Variants in ADGB observed in about 807,000 individuals in gnomAD.
ADGB encodes calpain-7-like protein.
ADGB carries 172 observed loss-of-function variants against 210.5 expected under a neutral mutation model. That is an observed-to-expected ratio of 0.82 (90% CI 0.72 to 0.93). ADGB has a LOEUF of 0.93. Ranked by LOEUF, ADGB falls within the 40% of genes least tolerant of loss-of-function variation. The pLI is 0.00. For synonymous variants in ADGB, 658 were observed against 662.7 expected (o/e 0.99, Z 0.11); for missense variants, 2,025 against 1,964.8 (o/e 1.03, Z -0.58).
At chr6:146,798,676 G>GA (rs372001801) in intron 33 of ADGB, among the ~76,000 whole-genome samples, 217 of 136,948 alleles carry the variant, frequency 1.6e-3, no homozygotes, top group Middle Eastern at 4.0e-3. Context: ...CTAAAAAACA[G>GA]AAAAAAAAAA....
In ADGB at chr6:146,724,178, TCTTAAAGC is replaced by T; in HGVS notation, c.2096-2_2101del. The T allele has an allele frequency of 1.3e-6, 2 of 1,545,458 alleles. No individual in the cohort carries two copies. The highest frequency in any genetic ancestry group is 1.7e-6 in the Non-Finnish European group (2 of 1,145,076). On this transcript the variant is annotated splice_acceptor_variant and splice_polypyrimidine_tract_variant and coding_sequence_variant and intron_variant, in exon 18 of 36. Transcript: ENST00000397944. LOFTEE classifies it high-confidence loss of function. Reference sequence around the variant, plus strand: ...TCAAACTTTAATACCTTTTTACTTATCTTAAAGCCTTAACAAAAGACAGTCCTCCCATA... The same window carrying T: ...TCAAACTTTAATACCTTTTTACTTATCTTAACAAAAGACAGTCCTCCCATA...
intron 1 of ADGB, among the ~76,000 whole-genome samples, chr6:146,632,241 CTTCTGGAACTTGACCACA>C (rs1391090448): frequency 6.6e-6 from 1 of 152,168 alleles, no homozygotes; most frequent in East Asian, 1.9e-4. Context: ...GCCTTTCCAG[CTTCTGGAACTTGACCACA>C]TTCCTCGGCT....
intron 33 of ADGB, among the ~76,000 whole-genome samples, chr6:146,790,570 A>G (rs1451399728): frequency 6.6e-6 from 1 of 152,182 alleles, no homozygotes; most frequent in Non-Finnish European, 1.5e-5. Flanking sequence ...TACATACCAC[A>G]TTTTAAAAAA....
intron 26 of ADGB, among the ~76,000 whole-genome samples, chr6:146,747,814 T>TGTCA (rs1777263555): frequency 6.7e-6 from 1 of 149,884 alleles, no homozygotes; most frequent in African/African-American, 2.5e-5. Context: ...AGTCTCACTC[T>TGTCA]GTCACCCAGG....
intron 35 of ADGB, chr6:146,802,318 G>T (rs918880347): frequency 1.1e-5 from 2 of 184,200 alleles, no homozygotes; most frequent in Admixed American, 6.1e-5. Flanking sequence ...ATATTAATCA[G>T]CTTGAGACAT....
intron 35 of ADGB, among the ~76,000 whole-genome samples, chr6:146,804,633 A>G (rs1477983514): frequency 6.6e-6 from 1 of 152,136 alleles, no homozygotes; most frequent in Non-Finnish European, 1.5e-5. Context: ...TATATCCAAC[A>G]TATATATCAC....
chr6:146,719,768 C>T (rs1360120812), intron 16 of ADGB, among the ~76,000 whole-genome samples: 5 of 152,112 alleles, frequency 3.3e-5, no homozygotes, highest in Non-Finnish European at 1.5e-5. Flanking sequence ...AAATGAGCTC[C>T]GGGCAGAAAC....
chr6:146,724,636 C>T (rs1776868072), intron 18 of ADGB: 2 of 167,116 alleles, frequency 1.2e-5, no homozygotes, highest in Non-Finnish European at 2.6e-5. Context: ...ATATTATACA[C>T]ATAACATTTA....
intron 8 of ADGB, among the ~76,000 whole-genome samples, chr6:146,673,741 G>A (rs570636861): frequency 7.9e-5 from 12 of 152,126 alleles, no homozygotes; most frequent in Non-Finnish European, 1.6e-4. Flanking sequence ...TACCATTTAG[G>A]AGAGATCACA....
chr6:146,636,596 A>AAG (rs144597568), intron 2 of ADGB, among the ~76,000 whole-genome samples: 1 of 151,798 alleles, frequency 6.6e-6, no homozygotes, highest in Non-Finnish European at 1.5e-5. Context: ...GAGAGAGAGA[A>AAG]AGAGAGAGAG....
In ADGB at chr6:146,721,454, A is replaced by T; in HGVS notation, c.2044A>T (p.Ile682Phe). The change falls in exon 17 of 36, where the codon ATT becomes TTT. Residue 682 changes from isoleucine to phenylalanine, a missense_variant. Physicochemically the swap from Ile to Phe is conservative, Grantham distance 21. Transcript: ENST00000397944. ...YYLFVDSLKP[I>F]ELLVCFSALV... is the part of the protein sequence containing the mutation. ...TCTATTTGTAGATAGTCTAAAACCT[A>T]TTGAACTACTGGTTTGCTTTTCTGC... The T allele has an allele frequency of 6.4e-7, 1 of 1,551,324 alleles. No individual in the cohort carries two copies. The highest frequency in any genetic ancestry group is 8.7e-7 in the Non-Finnish European group (1 of 1,146,688).
chr6:146,615,701 T>C (rs968381329), intron 1 of ADGB, among the ~76,000 whole-genome samples: 6 of 152,198 alleles, frequency 3.9e-5, no homozygotes, highest in African/African-American at 1.4e-4. Context: ...TATCTTTCTG[T>C]GCGTGACTTG....
intron 13 of ADGB, among the ~76,000 whole-genome samples, chr6:146,708,209 C>T (rs1349335856): frequency 6.6e-6 from 1 of 152,048 alleles, no homozygotes; most frequent in African/African-American, 2.4e-5. Flanking sequence ...TTTTAACCTT[C>T]ATACTAAATT....
chr6:146,811,541 C>T (rs565070815), intron 35 of ADGB, among the ~76,000 whole-genome samples: 1 of 151,888 alleles, frequency 6.6e-6, no homozygotes, highest in South Asian at 2.1e-4. Context: ...AGATAAAAAT[C>T]ATTGCAAACA....
rs575548445 is a variant in ADGB, at chr6:146,766,359, G to A, written c.3750+2259G>A. 5.9e-5 allele frequency among the ~76,000 whole-genome samples: 9 copies of A among 152,028 alleles called. No individual in the cohort carries two copies. The East Asian group carries it at 7.8e-4, about 13-fold the overall frequency. ...TGAGAACCGCTTGAACCTGGGAGGCGGAGGTTACAGCGAGCCGAGATTGTA... is the reference window on the plus strand; with the variant it reads ...TGAGAACCGCTTGAACCTGGGAGGCAGAGGTTACAGCGAGCCGAGATTGTA... On this transcript the variant is annotated intron_variant, in intron 28 of 35. Transcript: ENST00000397944.
intron 27 of ADGB, 106 bp from the exon 28 acceptor site, chr6:146,763,795 T>C (rs1387857703): frequency 4.0e-6 from 4 of 1,007,654 alleles, no homozygotes; most frequent in African/African-American, 3.3e-5. Context: ...AACAAAAGAA[T>C]TGACCTATTC....
intron 35 of ADGB, among the ~76,000 whole-genome samples, chr6:146,812,302 C>T (rs1255184114): frequency 6.6e-6 from 1 of 152,232 alleles, no homozygotes; most frequent in African/African-American, 2.4e-5. Flanking sequence ...CAATGAGAGA[C>T]TGAGGCAAGA....
intron 28 of ADGB, among the ~76,000 whole-genome samples, chr6:146,766,469 T>TTAAATTAAAC (rs1777576480): frequency 2.0e-5 from 3 of 149,292 alleles, no homozygotes; most frequent in African/African-American, 5.0e-5. Flanking sequence ...TTAAATTAAA[T>TTAAATTAAAC]TAAACTAAAT....
intron 1 of ADGB, among the ~76,000 whole-genome samples, chr6:146,613,955 C>T (rs1040352212): frequency 2.0e-5 from 3 of 151,776 alleles, no homozygotes; most frequent in African/African-American, 7.3e-5. Flanking sequence ...CCTTTCGCAA[C>T]TCCAGATTAT....
Sources: allele counts gnomAD v4.1 joint callset (sites outside exome capture counted in the v4.1 genomes callset), GRCh38; gene constraint gnomAD v4.1.1; transcripts MANE v1.5; gene names NCBI Gene and HGNC (gene_info 2026-07-23, HGNC 2026-07-21).